TENM2: variants seen among roughly 807,000 people sequenced by gnomAD.
The protein encoded by TENM2 is teneurin-2.
TENM2 carries 52 observed loss-of-function variants against 245.2 expected under a neutral mutation model. That is an observed-to-expected ratio of 0.21 (90% confidence interval 0.17 to 0.27). The LOEUF is 0.27. TENM2 is among the 10% of genes least tolerant of loss of function. The pLI, the probability that TENM2 is intolerant of heterozygous loss-of-function variation, is 1.00. For missense variants in TENM2, 3,046 were observed against 3,666.8 expected, an observed-to-expected ratio of 0.83 and a Z score of 4.37; for synonymous variants, 1,363 against 1,438.9, an observed-to-expected ratio of 0.95 and a Z score of 1.19.
chr5:167,267,502 T>A, the TENM2 span, among the ~76,000 whole-genome samples: 2 of 152,032 alleles, frequency 1.3e-5, no homozygotes. Context: ...TGGGAGGGAA[T>A]ATTCCCCTCT....
chr5:167,798,109 C>T (rs1765449633), intron 2 of TENM2, among the ~76,000 whole-genome samples: 1 of 152,162 alleles, frequency 6.6e-6, no homozygotes, highest in South Asian at 2.1e-4. Flanking sequence ...AAGAATGATG[C>T]TTAAGTTTCC....
At position 167,412,337 on chromosome 5, in the gene TENM2, G is replaced by A. The variant is rs137921985; in HGVS notation, c.502+36864G>A. 3.3e-5 allele frequency among the ~76,000 whole-genome samples: 5 copies of A among 152,104 alleles called. No individual in the cohort carries two copies. In the East Asian group the frequency reaches 5.8e-4, roughly 18 times the overall value. On this transcript the variant is annotated intron_variant, in intron 2 of 28. Transcript: ENST00000518659. ...GACTTGTTAGATATGGAAATTCTTC[G>A]GCCCCACTCCAGACCACCTGAATCA... is the stretch of plus-strand genomic sequence containing the variant.
At chr5:167,577,312 G>A (rs1050844516) in intron 2 of TENM2, among the ~76,000 whole-genome samples, 1 of 152,214 alleles carries the variant, frequency 6.6e-6, no homozygotes, top group Non-Finnish European at 1.5e-5. Context: ...TGTAACCTAT[G>A]TTGGAGAGCT....
At chr5:167,655,091 T>G (rs1754754720) in intron 2 of TENM2, among the ~76,000 whole-genome samples, 2 of 152,324 alleles carry the variant, frequency 1.3e-5, no homozygotes, top group South Asian at 4.1e-4. Flanking sequence ...AGCCACATCT[T>G]GTTTGCGCTA....
the TENM2 span, among the ~76,000 whole-genome samples, chr5:166,980,625 G>T: frequency 1.3e-5 from 2 of 152,096 alleles, no homozygotes; most frequent in South Asian, 4.1e-4. Flanking sequence ...AAACTGAAGG[G>T]CCAGTGAGTA....
chr5:167,231,654 C>T, the TENM2 span, among the ~76,000 whole-genome samples: 1 of 152,182 alleles, frequency 6.6e-6, no homozygotes, highest in Non-Finnish European at 1.5e-5. Context: ...GGAATTTATA[C>T]TTAAAAGGGG....
intron 2 of TENM2, among the ~76,000 whole-genome samples, chr5:167,693,928 C>CT (rs1757593895): frequency 6.6e-6 from 1 of 152,178 alleles, no homozygotes; most frequent in Admixed American, 6.5e-5. Flanking sequence ...AAGGATGGAA[C>CT]TCAAGAGCCC....
intron 2 of TENM2, among the ~76,000 whole-genome samples, chr5:167,457,549 G>T (rs1048850456): frequency 6.6e-6 from 1 of 151,988 alleles, no homozygotes; most frequent in Non-Finnish European, 1.5e-5. Flanking sequence ...GTTTCTCCAT[G>T]TTGGTCAGGC....
At chr5:168,197,645 A>G (rs920797772) in intron 15 of TENM2, among the ~76,000 whole-genome samples, 8 of 150,718 alleles carry the variant, frequency 5.3e-5, no homozygotes, top group African/African-American at 2.0e-4. Context: ...GGTTGCAATA[A>G]GCCCAAATCA....
intron 2 of TENM2, among the ~76,000 whole-genome samples, chr5:167,681,422 T>C (rs568087185): frequency 1.6e-4 from 25 of 152,250 alleles, no homozygotes; most frequent in Admixed American, 6.5e-4. Flanking sequence ...CCCCTACTAA[T>C]AGGCATTTAT....
At chr5:167,848,515 A>G (rs1434886713) in intron 2 of TENM2, among the ~76,000 whole-genome samples, 2 of 152,250 alleles carry the variant, frequency 1.3e-5, no homozygotes, top group Non-Finnish European at 2.9e-5. Context: ...CTATATGCCA[A>G]ATGAGGCCAG....
intron 2 of TENM2, among the ~76,000 whole-genome samples, chr5:167,429,734 G>A (rs1029244096): frequency 2.6e-5 from 4 of 151,242 alleles, no homozygotes; most frequent in African/African-American, 9.7e-5. Context: ...AGCCTCCTGA[G>A]TAGCTGGGAT....
At chr5:167,754,975 C>A in intron 2 of TENM2, 1 of 1,542,840 alleles carries the variant, frequency 6.5e-7, no homozygotes, top group South Asian at 1.2e-5. Context: ...TCAGCTGTGT[C>A]AGACTGGGAC....
At chr5:167,604,478 C>T (rs1288626657) in intron 2 of TENM2, among the ~76,000 whole-genome samples, 3 of 152,134 alleles carry the variant, frequency 2.0e-5, no homozygotes, top group Non-Finnish European at 4.4e-5. Context: ...TTTTAAGTAG[C>T]TTAATCACCG....
intron 3 of TENM2, among the ~76,000 whole-genome samples, chr5:167,947,850 G>A (rs897334519): frequency 1.3e-5 from 2 of 152,092 alleles, no homozygotes; most frequent in Admixed American, 1.3e-4. Flanking sequence ...TTAGCAGCTA[G>A]GCAGGCCCTG....
intron 2 of TENM2, among the ~76,000 whole-genome samples, chr5:167,690,889 G>A (rs1329662039): frequency 6.7e-6 from 1 of 148,924 alleles, no homozygotes; most frequent in Non-Finnish European, 1.5e-5. Flanking sequence ...TCGTATATAT[G>A]TATATATTTG....
intron 2 of TENM2, among the ~76,000 whole-genome samples, chr5:167,762,946 G>A (rs1406634947): frequency 6.6e-6 from 1 of 152,188 alleles, no homozygotes; most frequent in Non-Finnish European, 1.5e-5. Flanking sequence ...TGAACTGTCA[G>A]ACTTTTTTTC....
chr5:168,196,419 C>T (rs983344880), intron 15 of TENM2, among the ~76,000 whole-genome samples: 59 of 152,304 alleles, frequency 3.9e-4, no homozygotes, highest in African/African-American at 1.4e-3. Flanking sequence ...TGCAAAATTA[C>T]TCTGGCCCTT....
At chr5:167,045,840 G>A in the TENM2 span, among the ~76,000 whole-genome samples, 2 of 152,174 alleles carry the variant, frequency 1.3e-5, no homozygotes, top group African/African-American at 4.8e-5. Context: ...ACTGAGCTCT[G>A]AACATAGGGA....
Sources: allele counts gnomAD v4.1 joint callset (sites outside exome capture counted in the v4.1 genomes callset), GRCh38; gene constraint gnomAD v4.1.1; transcripts MANE v1.5; gene names NCBI Gene and HGNC (gene_info 2026-07-23, HGNC 2026-07-21).